RPS6KA2: variants seen among roughly 807,000 people sequenced by gnomAD.
The protein encoded by RPS6KA2 is ribosomal protein S6 kinase A2, also known as ribosomal protein S6 kinase alpha-2.
A neutral mutation model predicts 91.8 loss-of-function variants in RPS6KA2; 42 were observed. The observed-to-expected ratio is 0.46, with a 90% confidence interval of 0.36 to 0.59. RPS6KA2 has a LOEUF of 0.59. RPS6KA2 is among the 20% of genes least tolerant of loss of function. The pLI is 0.00. For synonymous variants in RPS6KA2, 414 were observed against 393.6 expected (o/e 1.05, Z -0.61); for missense variants, 798 against 978.5 (o/e 0.82, Z 2.46).
chr6:166,827,099 G>A (rs1395662745), intron 2 of RPS6KA2, among the ~76,000 whole-genome samples: 4 of 152,032 alleles, frequency 2.6e-5, no homozygotes, highest in African/African-American at 4.8e-5. Flanking sequence ...GGTTGTTAAA[G>A]TTGTCAGAAT....
chr6:166,459,979 G>T lies in RPS6KA2; in HGVS notation c.973-428C>A, dbSNP rs1780221168. Among the ~76,000 whole-genome samples, 1 of 152,184 alleles carries T rather than the reference G, an allele frequency of 6.6e-6. No individual in the cohort carries two copies. Among genetic ancestry groups the T allele is most frequent in the African/African-American group, 2.4e-5 (1 of 41,436 alleles). ...CGTGTGGCTCTCTCCTCCCTGCCCT[G>T]GGACTTTGGGGCCAGCACCACGGAA... On this transcript the variant is annotated intron_variant, in intron 11 of 20. Coordinates refer to ENST00000265678, the MANE Select transcript of RPS6KA2 (RefSeq NM_021135.6). This position sits in a 1 kb window ranked among gnomAD's most constrained non-coding sequence, Gnocchi z 4.9.
Position 166,770,850 on chromosome 6 carries a change from G to A in RPS6KA2, c.123+87350C>T, listed in dbSNP as rs1778446451. ...AGCATGGAAAAAAACAAACCCACAG[G>A]AACGCTTCTTACCTCTACGGATCCA... On this transcript the variant is annotated intron_variant, in intron 2 of 21. Coordinates refer to the RPS6KA2 transcript ENST00000503859. This position sits in a 1 kb window ranked among gnomAD's most constrained non-coding sequence, Gnocchi z 5.1. 6.3e-7 allele frequency: 1 copy of A among 1,584,362 alleles called. No homozygotes were observed. Among genetic ancestry groups the A allele is most frequent in the African/African-American group, 1.4e-5 (1 of 73,982 alleles).
At chr6:166,502,157 C>T (rs1184922258) in intron 6 of RPS6KA2, among the ~76,000 whole-genome samples, 5 of 151,986 alleles carry the variant, frequency 3.3e-5, no homozygotes, top group East Asian at 1.9e-4. Context: ...GCAATGGGAA[C>T]GTGCTTAATG....
chr6:166,523,027 A>G (rs1054960609), intron 3 of RPS6KA2, among the ~76,000 whole-genome samples: 5 of 152,228 alleles, frequency 3.3e-5, no homozygotes, highest in African/African-American at 1.2e-4. Flanking sequence ...TTAACTACTT[A>G]CACTGCAGAG....
chr6:166,444,338 T>C (rs1779610253), intron 14 of RPS6KA2, among the ~76,000 whole-genome samples: 1 of 152,242 alleles, frequency 6.6e-6, no homozygotes, highest in African/African-American at 2.4e-5. Context: ...CCATCCGTCA[T>C]GCTATTTTGA....
chr6:166,429,246 T>C (rs1322917438), intron 16 of RPS6KA2, among the ~76,000 whole-genome samples: 3 of 124,416 alleles, frequency 2.4e-5, no homozygotes, highest in Non-Finnish European at 4.7e-5. Flanking sequence ...TGAGAACACA[T>C]GGACACAGGA....
intron 2 of RPS6KA2, among the ~76,000 whole-genome samples, chr6:166,816,276 C>A (rs767619653): frequency 6.6e-6 from 1 of 151,276 alleles, no homozygotes; most frequent in Non-Finnish European, 1.5e-5. Flanking sequence ...TCAGGTGTGG[C>A]GGCTTACACC....
chr6:166,752,976 CCGA>C (rs1282307388), intron 2 of RPS6KA2, among the ~76,000 whole-genome samples: 1 of 152,216 alleles, frequency 6.6e-6, no homozygotes, highest in Non-Finnish European at 1.5e-5. Context: ...CCCATTCCTA[CCGA>C]CTATAAGCAA....
chr6:166,779,668 C>G (rs937848071), intron 2 of RPS6KA2, among the ~76,000 whole-genome samples: 2 of 152,210 alleles, frequency 1.3e-5, no homozygotes, highest in African/African-American at 4.8e-5. Flanking sequence ...GCTCTGTGTC[C>G]TTAGGTGAGC....
At chr6:166,749,880 C>T (rs939461024) in intron 2 of RPS6KA2, among the ~76,000 whole-genome samples, 7 of 150,772 alleles carry the variant, frequency 4.6e-5, no homozygotes, top group Non-Finnish European at 1.0e-4. Context: ...AAGCTTCCTT[C>T]CCCCTTTCCA....
At chr6:166,632,118 G>A (rs1787098166), upstream of RPS6KA2, among the ~76,000 whole-genome samples, 1 of 152,136 alleles carries the variant, frequency 6.6e-6, no homozygotes, top group Admixed American at 6.5e-5. Flanking sequence ...GCCCTGGGGA[G>A]TTTTTAGACT....
chr6:166,793,609 C>T (rs1310315907), intron 2 of RPS6KA2, among the ~76,000 whole-genome samples: 5 of 151,596 alleles, frequency 3.3e-5, no homozygotes. Flanking sequence ...AACTATACTA[C>T]AAGGCTACAG....
chr6:166,419,815 G>T lies in RPS6KA2; in HGVS notation c.1820+67C>A. 7.0e-7 allele frequency: 1 copy of T among 1,438,334 alleles called. No homozygotes were observed. Among genetic ancestry groups the T allele is most frequent in the African/African-American group, 1.4e-5 (1 of 71,586 alleles). The allele number at this position is 1,438,334 out of a possible 1,614,324, so 89.1% of individuals were successfully genotyped here. A position where few individuals can be genotyped will look rare whatever the true frequency, so the allele number is the denominator to read the frequency against. On this transcript the variant is annotated intron_variant, in intron 18 of 20. Transcript: ENST00000265678. The surrounding 1 kb of genome is among the most constrained non-coding windows in gnomAD (Gnocchi z 5.6). ...AGGACAGGGCTGGCCCTGGTCCCCT[G>T]ACAGATCAGCCACTGAGGCTGCTGC...
At chr6:166,724,287 T>C (rs911384326) in intron 2 of RPS6KA2, among the ~76,000 whole-genome samples, 5 of 152,222 alleles carry the variant, frequency 3.3e-5, no homozygotes, top group African/African-American at 1.2e-4. Context: ...CTGCAGTTTT[T>C]GCTTCATAAA....
At chr6:166,701,088 T>C in intron 2 of RPS6KA2, 1 of 1,601,374 alleles carries the variant, frequency 6.2e-7, no homozygotes, top group Non-Finnish European at 8.5e-7. Flanking sequence ...GGCTGTTTCC[T>C]GAGCCTTACT....
At chr6:166,513,573 G>T (rs1401580635) in intron 3 of RPS6KA2, among the ~76,000 whole-genome samples, 1 of 152,192 alleles carries the variant, frequency 6.6e-6, no homozygotes, top group African/African-American at 2.4e-5. Flanking sequence ...ACCCCTGCCT[G>T]CCCCGCTCCA....
chr6:166,804,566 C>G lies in RPS6KA2; in HGVS notation c.123+53634G>C, dbSNP rs544733546. ...TCTGTTATAGATAAATAACAGCCCA[C>G]AAACCCATAAAAATAAAGTTCAATG... is the stretch of plus-strand genomic sequence containing the variant. On this transcript the variant is annotated intron_variant, in intron 2 of 21. Transcript: ENST00000503859. Among the ~76,000 whole-genome samples, 7 of 151,660 alleles carry G rather than the reference C, an allele frequency of 4.6e-5. No homozygotes were observed. The South Asian group carries it at 1.0e-3, about 23-fold the overall frequency.
intron 2 of RPS6KA2, among the ~76,000 whole-genome samples, chr6:166,651,407 C>T (rs1251895701): frequency 6.6e-6 from 1 of 152,180 alleles, no homozygotes; most frequent in Non-Finnish European, 1.5e-5. Flanking sequence ...GCAATAAAGT[C>T]AGAGATTTGC....
At chr6:166,695,933 C>A (rs1208646492) in intron 2 of RPS6KA2, among the ~76,000 whole-genome samples, 1 of 152,182 alleles carries the variant, frequency 6.6e-6, no homozygotes, top group Non-Finnish European at 1.5e-5. Flanking sequence ...GGAGCTGGAA[C>A]CCTACTGTGA....
Sources: allele counts gnomAD v4.1 joint callset (sites outside exome capture counted in the v4.1 genomes callset), GRCh38; gene constraint gnomAD v4.1.1; non-coding constraint Gnocchi (gnomAD v3.1); transcripts MANE v1.5; gene names NCBI Gene and HGNC (gene_info 2026-07-23, HGNC 2026-07-21).